SMIM8: variants seen among roughly 807,000 people sequenced by gnomAD.
The protein encoded by SMIM8 is UPF0708 protein C6orf162.
SMIM8 carries 8 observed loss-of-function variants against 8.1 expected under a neutral mutation model. The observed-to-expected ratio is 0.99, with a 90% CI of 0.58 to 1.78. The LOEUF is 1.78. Among genes scored for constraint, SMIM8 ranks in the 40% most tolerant of loss-of-function variants. SMIM8 has a pLI of 0.00. For synonymous variants in SMIM8, 45 were observed against 39.7 expected (o/e 1.13, Z -0.50); for missense variants, 126 against 119.8 (o/e 1.05, Z -0.24).
At chr6:87,329,194 T>A (rs1776929923) in intron 1 of SMIM8, 1 of 155,340 alleles carries the variant, frequency 6.4e-6, no homozygotes, top group African/African-American at 2.4e-5. Context: ...CGACTGGAAA[T>A]GCAGAAATCA....
At chr6:87,326,477 C>A (rs774558020) in intron 1 of SMIM8, among the ~76,000 whole-genome samples, 1 of 151,880 alleles carries the variant, frequency 6.6e-6, no homozygotes, top group Non-Finnish European at 1.5e-5. Flanking sequence ...TCTTTGTTCT[C>A]GTTGGTTTCA....
rs145758244 is a variant in SMIM8, at chr6:87,337,092, C to A, written c.61C>A (p.Gln21Lys). 261 of 1,613,250 alleles carry A rather than the reference C, an allele frequency of 1.6e-4. 1 individual carries two copies. In the African/African-American group the frequency reaches 3.3e-3, roughly 21 times the overall value. ...GGAACCACCCAAAGAGAAAGAGTTT[C>A]AAAGCCCAGGGCTCAGAGGGGTGCG... ...KKEPPKEKEF[Q>K]SPGLRGVRTT... The change falls in exon 3 of 4, where the codon CAA (glutamine) becomes AAA (lysine). Residue 21 changes from glutamine (Q) to lysine (K), a missense_variant. Physicochemically the swap from Gln to Lys is moderately conservative, Grantham distance 53. Transcript: ENST00000392863.
At chr6:87,326,252 A>G (rs929476559) in intron 1 of SMIM8, among the ~76,000 whole-genome samples, 1 of 151,884 alleles carries the variant, frequency 6.6e-6, no homozygotes, top group Non-Finnish European at 1.5e-5. Context: ...AGGGTTTTTA[A>G]TGTCTCTATT....
chr6:87,327,035 G>C (rs12213932), intron 1 of SMIM8, among the ~76,000 whole-genome samples: 81,206 of 134,698 alleles, frequency 0.6, 25,074 homozygotes, highest in African/African-American at 0.67. Flanking sequence ...CCTTCTTTGT[G>C]TCTTTTGATC....
At chr6:87,337,372 A>C (rs1407308658) in intron 3 of SMIM8, among the ~76,000 whole-genome samples, 2 of 152,234 alleles carry the variant, frequency 1.3e-5, no homozygotes, top group Non-Finnish European at 2.9e-5. Context: ...AGGGCATTTG[A>C]GAGTTATAAT....
intron 1 of SMIM8, among the ~76,000 whole-genome samples, chr6:87,328,252 C>T (rs1562221380): frequency 1.3e-5 from 2 of 152,128 alleles, no homozygotes; most frequent in African/African-American, 2.4e-5. Flanking sequence ...TCTCTCAGCT[C>T]GTCAAAGTCA....
At chr6:87,323,213 C>T (rs1457564691) in intron 1 of SMIM8, among the ~76,000 whole-genome samples, 2 of 152,198 alleles carry the variant, frequency 1.3e-5, no homozygotes, top group South Asian at 2.1e-4. Context: ...AGCCTTTCCC[C>T]TTTTTTCAGA....
chr6:87,328,139 T>C (rs1283501743), intron 1 of SMIM8, among the ~76,000 whole-genome samples: 1 of 152,224 alleles, frequency 6.6e-6, no homozygotes, highest in Non-Finnish European at 1.5e-5. Context: ...TATTGGTTAT[T>C]CTAGTTATAC....
Position 87,340,284 on chromosome 6 carries a change from T to A in SMIM8, c.*10T>A. ...ATCCAAATGGGATTAGTAGTGCTGG[T>A]TAGTGCAGATGGACCTTTATTAAAG... On this transcript the variant is annotated 3_prime_UTR_variant, in exon 4 of 4. Transcript: ENST00000392863. 6.3e-7 allele frequency: 1 copy of A among 1,578,166 alleles called. No individual in the cohort carries two copies. The highest frequency in any genetic ancestry group is 1.2e-5 in the South Asian group (1 of 84,244).
At position 87,341,280 on chromosome 6, in the gene SMIM8, G is replaced by A. The variant is rs1777227736; in HGVS notation, c.*1006G>A. 1 of 398,348 alleles carries A rather than the reference G, an allele frequency of 2.5e-6. No individual in the cohort carries two copies. Among genetic ancestry groups the A allele is most frequent in the South Asian group, 1.3e-4 (1 of 7,864 alleles). 24.7% of individuals were successfully genotyped at this position (398,348 alleles called of 1,614,324 possible). On this transcript the variant is annotated 3_prime_UTR_variant, in exon 4 of 4. Coordinates refer to ENST00000392863, the MANE Select transcript of SMIM8 (RefSeq NM_001042493.3). ...TTTTGAAGTGTCTTTTATGGAAGTG[G>A]GGACAGAAATGGGGGTAAAAATGAG...
rs1777192397 is a variant in SMIM8 at position 87,340,164 on chromosome 6, G to A, written c.184G>A (p.Ala62Thr). Residue 62 changes from alanine to threonine, a missense_variant, in exon 4 of 4, where the codon GCA becomes ACA. Ala to Thr is a moderately conservative substitution (Grantham distance 58). Coordinates refer to ENST00000392863, the MANE Select transcript of SMIM8 (RefSeq NM_001042493.3). ...FGLVTLSLCV[A>T]YIGYLHAIQE... Reference sequence around the variant, plus strand: ...ATTGGTAACTCTTTCACTTTGCGTGGCATATATTGGTTATCTACATGCAAT... The same window carrying A: ...ATTGGTAACTCTTTCACTTTGCGTGACATATATTGGTTATCTACATGCAAT... The A allele has an allele frequency of 1.9e-6, 3 of 1,605,550 alleles. No homozygotes were observed. Among genetic ancestry groups the A allele is most frequent in the East Asian group, 2.2e-5 (1 of 44,518 alleles).
In SMIM8 at chr6:87,338,906, C is replaced by CTTTTT. The variant is rs58307492; in HGVS notation, c.136-1194_136-1190dup. Among the ~76,000 whole-genome samples the CTTTTT allele has an allele frequency of 1.1e-3, 123 of 116,092 alleles. 3 individuals carry two copies. The highest frequency in any genetic ancestry group is 1.7e-3 in the East Asian group (7 of 4,130). The allele number at this position is 116,092 out of a possible 152,430, so 76.2% of individuals were successfully genotyped here. A position where few individuals can be genotyped will look rare whatever the true frequency, so the allele number is the denominator to read the frequency against. ...TGAACATCTTTCCTGTATTTAAAAG[C>CTTTTT]TTTTTTTTTTTTTTTTTTTTGACTG... On this transcript the variant is annotated intron_variant, in intron 3 of 3. Transcript: ENST00000392863.
intron 1 of SMIM8, among the ~76,000 whole-genome samples, chr6:87,325,200 T>C (rs1487751632): frequency 6.6e-6 from 1 of 152,010 alleles, no homozygotes; most frequent in Non-Finnish European, 1.5e-5. Context: ...TATACAGTCA[T>C]GTCATCTGCA....
intron 2 of SMIM8, among the ~76,000 whole-genome samples, chr6:87,336,648 CAAGGAACTAAGGA>C (rs2127924326): frequency 6.6e-6 from 1 of 152,164 alleles, no homozygotes; most frequent in East Asian, 1.9e-4. Flanking sequence ...GGAGTGAAAG[CAAGGAACTAAGGA>C]AAGGAACGGA....
intron 2 of SMIM8, among the ~76,000 whole-genome samples, chr6:87,334,626 TG>T (rs1184499009): frequency 1.3e-5 from 2 of 152,172 alleles, no homozygotes; most frequent in African/African-American, 4.8e-5. Context: ...TAAGTGCTGA[TG>T]AAACAGGTGT....
In SMIM8 at chr6:87,325,085, A is replaced by G. The variant is rs139361681; in HGVS notation, c.-45+2453A>G. On this transcript the variant is annotated intron_variant, in intron 1 of 3. Coordinates refer to ENST00000392863, the MANE Select transcript of SMIM8 (RefSeq NM_001042493.3). ...GGCTCTCTGTTTGTTGCTGGTGTAT[A>G]AGAATGCTTGTGATTTTTGTACATT... 5.9e-4 allele frequency among the ~76,000 whole-genome samples: 90 copies of G among 152,234 alleles called. 1 individual carries two copies. Among genetic ancestry groups the G allele is most frequent in the African/African-American group, 2.1e-3 (89 of 41,508 alleles).
chr6:87,338,591 T>C lies in SMIM8; in HGVS notation c.135+1425T>C, dbSNP rs188759572. ...GTCCAGAGCCCACATAACAAGGGCT[T>C]CAAAATTATTACTTAGCTCAAGACA... On this transcript the variant is annotated intron_variant, in intron 3 of 3. Transcript: ENST00000392863. 4.6e-5 allele frequency among the ~76,000 whole-genome samples: 7 copies of C among 152,290 alleles called. No individual in the cohort carries two copies. In the East Asian group the frequency reaches 1.4e-3, roughly 29 times the overall value.
chr6:87,337,221 A>G, intron 3 of SMIM8, 55 bp downstream of exon 3: 1 of 1,494,054 alleles, frequency 6.7e-7, no homozygotes, highest in Non-Finnish European at 9.0e-7. Flanking sequence ...GACTGTCAGA[A>G]AGTTCTAATT....
rs1777205845 is a variant in SMIM8 at position 87,340,551 on chromosome 6, T to C, written c.*277T>C. On this transcript the variant is annotated 3_prime_UTR_variant, in exon 4 of 4. Transcript: ENST00000392863. ...GAAGTTGTTTTTGTTAATTATTAAA[T>C]TCTGTATAATAAAAGTACCCATGCT... The C allele has an allele frequency of 4.7e-6, 1 of 212,082 alleles. No individual in the cohort carries two copies. Among genetic ancestry groups the C allele is most frequent in the Admixed American group, 5.9e-5 (1 of 17,068 alleles). The allele number at this position is 212,082 out of a possible 1,614,324, so 13.1% of individuals were successfully genotyped here.
Sources: allele counts gnomAD v4.1 joint callset (sites outside exome capture counted in the v4.1 genomes callset), GRCh38; gene constraint gnomAD v4.1.1; transcripts MANE v1.5; gene names NCBI Gene and HGNC (gene_info 2026-07-23, HGNC 2026-07-21).